Variants in FOXK2 observed in about 807,000 individuals in gnomAD.
The protein encoded by FOXK2 is forkhead box protein K2.
In FOXK2, 24 loss-of-function variants were observed where a neutral mutation model predicts 53.3. That is an observed-to-expected ratio of 0.45 (90% CI 0.33 to 0.63). FOXK2 has a LOEUF of 0.63. FOXK2 is among the 30% of genes least tolerant of loss of function. The pLI is 0.03. For synonymous variants in FOXK2, 505 were observed against 407.1 expected, an observed-to-expected ratio of 1.24 and a Z score of -2.89; for missense variants, 952 against 910.5, an observed-to-expected ratio of 1.05 and a Z score of -0.59.
intron 1 of FOXK2, among the ~76,000 whole-genome samples, chr17:82,547,048 A>G (rs989854654): frequency 1.3e-5 from 2 of 150,226 alleles, no homozygotes; most frequent in Non-Finnish European, 3.0e-5. Context: ...CTGCACTCCA[A>G]CCTGGGCGAC....
At chr17:82,524,842 G>T (rs1252042162) in intron 1 of FOXK2, among the ~76,000 whole-genome samples, 3 of 152,154 alleles carry the variant, frequency 2.0e-5, no homozygotes, top group African/African-American at 7.2e-5. Context: ...TGGCCCTGTA[G>T]CCTGGCTCTG....
chr17:82,587,616 G>C (rs992604746), intron 8 of FOXK2: 1 of 373,744 alleles, frequency 2.7e-6, no homozygotes, highest in Non-Finnish European at 5.1e-6. Flanking sequence ...GCGCCCTGTG[G>C]CCTGTGGCGG....
chr17:82,522,781 C>T (rs1285825037), intron 1 of FOXK2, among the ~76,000 whole-genome samples: 1 of 152,100 alleles, frequency 6.6e-6, no homozygotes, highest in Non-Finnish European at 1.5e-5. Flanking sequence ...GTTGACCTTT[C>T]AGTGAGGGCC....
At chr17:82,588,832 C>T (rs1567987121) in intron 8 of FOXK2, among the ~76,000 whole-genome samples, 1 of 148,082 alleles carries the variant, frequency 6.8e-6, no homozygotes, top group African/African-American at 2.5e-5. Flanking sequence ...GGGTGGATCA[C>T]GAGGTCAGGA....
At position 82,563,409 on chromosome 17, in the gene FOXK2, A is replaced by G. The variant is rs2044818733; in HGVS notation, c.475A>G (p.Ser159Gly). 3.7e-6 allele frequency: 6 copies of G among 1,614,186 alleles called. No homozygotes were observed. The highest frequency in any genetic ancestry group is 3.4e-6 in the Non-Finnish European group (4 of 1,180,038). ...CAAGATAACGTTCACTGCCCTGTCC[A>G]GCGAGAAGAGAGAGAAGCAGGAGGC... ...NIKITFTALS[S>G]EKREKQEASE... The change falls in exon 2 of 9, where the codon AGC becomes GGC. Residue 159 changes from serine to glycine, a missense_variant. This residue lies in a region of FOXK2 where 76 missense variants were observed against 128.2 expected (regional missense o/e 0.59). Transcript: ENST00000335255.
intron 1 of FOXK2, among the ~76,000 whole-genome samples, chr17:82,529,319 T>C (rs1388224272): frequency 6.8e-6 from 1 of 146,328 alleles, no homozygotes; most frequent in African/African-American, 2.5e-5. Context: ...ACCTCCCGGG[T>C]TCAAGCGATT....
At position 82,603,277 on chromosome 17, in the gene FOXK2, T is replaced by C. The variant is rs2045407774; in HGVS notation, c.*1778T>C. ...AGCTGTCTGCATCTTCCAAGCACTT[T>C]ACAGATACCTTGGAATGTATATTTT... On this transcript the variant is annotated 3_prime_UTR_variant, in exon 9 of 9. Transcript: ENST00000335255. 6.6e-6 allele frequency: 1 copy of C among 152,282 alleles called. No individual in the cohort carries two copies. Among genetic ancestry groups the C allele is most frequent in the Non-Finnish European group, 1.5e-5 (1 of 68,062 alleles). 9.4% of individuals were successfully genotyped at this position (152,282 alleles called of 1,614,324 possible).
chr17:82,553,315 G>A (rs546662926), intron 1 of FOXK2, among the ~76,000 whole-genome samples: 229 of 152,370 alleles, frequency 1.5e-3, no homozygotes, highest in South Asian at 2.7e-3. Context: ...CTGTGTCACG[G>A]CAGAAAAGGA....
chr17:82,562,292 A>T (rs1486679051), intron 1 of FOXK2, among the ~76,000 whole-genome samples: 5 of 152,166 alleles, frequency 3.3e-5, no homozygotes, highest in Admixed American at 6.5e-5. Flanking sequence ...TTATTTAAAG[A>T]AAAGGAGGCT....
intron 1 of FOXK2, among the ~76,000 whole-genome samples, chr17:82,547,356 C>T (rs1383170326): frequency 1.3e-5 from 2 of 151,970 alleles, no homozygotes; most frequent in East Asian, 1.9e-4. Flanking sequence ...CTAACAAGAG[C>T]TGGTAAGCTG....
chr17:82,579,257 C>CTT (rs2045028504), intron 4 of FOXK2, among the ~76,000 whole-genome samples: 1 of 152,192 alleles, frequency 6.6e-6, no homozygotes, highest in African/African-American at 2.4e-5. Context: ...GTTGGCAAAG[C>CTT]TTTGCCTTCT....
At chr17:82,536,500 C>T (rs2144062592) in intron 1 of FOXK2, among the ~76,000 whole-genome samples, 1 of 152,290 alleles carries the variant, frequency 6.6e-6, no homozygotes, top group East Asian at 1.9e-4. Context: ...GACTATCTTC[C>T]TTCGTTATGT....
chr17:82,527,462 C>T (rs1430042426), intron 1 of FOXK2, among the ~76,000 whole-genome samples: 2 of 151,890 alleles, frequency 1.3e-5, no homozygotes, highest in Non-Finnish European at 1.5e-5. Context: ...AACTCCGACT[C>T]TACTAAAAAT....
At position 82,520,235 on chromosome 17, in the gene FOXK2, T is replaced by G. The variant is rs1395948630; in HGVS notation, c.347T>G (p.Leu116Trp). ...DAGGDFYLRC[L>W]GKNGVFVDGV... ...GGCGGCGACTTCTACCTGCGCTGCT[T>G]GGGCAAGAACGGGGTATTCGTGGAC... The change falls in exon 1 of 9, where the codon TTG (leucine) becomes TGG (tryptophan). Residue 116 changes from leucine to tryptophan, a missense_variant. This residue lies in a region of FOXK2 where 76 missense variants were observed against 128.2 expected (regional missense o/e 0.59). Coordinates refer to ENST00000335255, the MANE Select transcript of FOXK2 (RefSeq NM_004514.4). 1.5e-6 allele frequency: 2 copies of G among 1,313,268 alleles called. No homozygotes were observed. The highest frequency in any genetic ancestry group is 1.9e-6 in the Non-Finnish European group (2 of 1,031,612). The allele number at this position is 1,313,268 out of a possible 1,614,324, so 81.4% of individuals were successfully genotyped here.
chr17:82,530,446 A>G (rs1199419197), intron 1 of FOXK2, among the ~76,000 whole-genome samples: 2 of 65,722 alleles, frequency 3.0e-5, no homozygotes, highest in Non-Finnish European at 7.0e-5. Flanking sequence ...AACTCCATCT[A>G]AAAAAAAAAA....
At chr17:82,600,293 A>G (rs956627604) in intron 8 of FOXK2, 6 of 152,252 alleles carry the variant, frequency 3.9e-5, no homozygotes, top group African/African-American at 1.2e-4. Context: ...CGGCCTGGAG[A>G]CAGATTCTGT....
chr17:82,543,902 G>A (rs1342551048), intron 1 of FOXK2, among the ~76,000 whole-genome samples: 1 of 150,200 alleles, frequency 6.7e-6, no homozygotes, highest in Admixed American at 6.7e-5. Context: ...TCAGCCTCCC[G>A]AGCAGCTGGG....
At chr17:82,577,496 T>G in intron 4 of FOXK2, 1 of 295,444 alleles carries the variant, frequency 3.4e-6, no homozygotes. Context: ...TGCGGCGTGC[T>G]CACTGCCCAG....
intron 1 of FOXK2, among the ~76,000 whole-genome samples, chr17:82,540,293 A>G (rs2044562057): frequency 6.6e-6 from 1 of 151,780 alleles, no homozygotes; most frequent in African/African-American, 2.4e-5. Context: ...AAAAAAAAAA[A>G]GAGTTACCTT....
Sources: allele counts gnomAD v4.1 joint callset (sites outside exome capture counted in the v4.1 genomes callset), GRCh38; gene constraint gnomAD v4.1.1; regional missense constraint gnomAD v4.1.1; transcripts MANE v1.5; gene names NCBI Gene and HGNC (gene_info 2026-07-23, HGNC 2026-07-21).